Variants in ATP10B observed in about 807,000 individuals in gnomAD.
ATP10B encodes the protein phospholipid-transporting ATPase VB.
In ATP10B, 122 loss-of-function variants were observed where a neutral mutation model predicts 141.2. The ratio of observed to expected loss-of-function variants is 0.86; its 90% CI spans 0.75 to 1.00. The LOEUF (loss-of-function observed/expected upper bound fraction) is 1.00, where lower values mean the gene tolerates loss of function less well. Among genes scored for constraint, ATP10B ranks in the 50% least tolerant of loss-of-function variants. The pLI is 0.00. For synonymous variants in ATP10B, 685 were observed against 692.0 expected, an observed-to-expected ratio of 0.99 and a Z score of 0.16; for missense variants, 1,876 against 1,825.3, an observed-to-expected ratio of 1.03 and a Z score of -0.51.
intron 3 of ATP10B, among the ~76,000 whole-genome samples, chr5:160,690,906 C>T (rs990568022): frequency 1.6e-4 from 24 of 152,270 alleles, no homozygotes; most frequent in Non-Finnish European, 2.9e-4. Context: ...CACATGCACA[C>T]GTATCTTTAT....
At chr5:160,925,496 T>A in the ATP10B span, among the ~76,000 whole-genome samples, 7 of 152,358 alleles carry the variant, frequency 4.6e-5, no homozygotes, top group African/African-American at 1.7e-4. Context: ...TGCCAGCCAC[T>A]GTAAGCCATG....
At chr5:160,848,066 TG>T (rs1417916121) in intron 1 of ATP10B, among the ~76,000 whole-genome samples, 1 of 152,204 alleles carries the variant, frequency 6.6e-6, no homozygotes, top group African/African-American at 2.4e-5. Flanking sequence ...CATACTTATA[TG>T]CAGAATTTAC....
rs1766971855 is a variant in ATP10B at position 160,734,494 on chromosome 5, G to T, written c.-330-17460C>A. On this transcript the variant is annotated intron_variant, in intron 2 of 25. Coordinates refer to ENST00000327245, the MANE Select transcript of ATP10B (RefSeq NM_025153.3). ...ATATGATTGCAAAGCTTTATGTAAA[G>T]TGGTACATATAAACTCTAAGTAGAC... Among the ~76,000 whole-genome samples, 6 of 151,982 alleles carry T rather than the reference G, an allele frequency of 3.9e-5. No homozygotes were observed. In the South Asian group the frequency reaches 1.2e-3, roughly 31 times the overall value.
At chr5:160,746,396 CTTT>C (rs11365545) in intron 2 of ATP10B, among the ~76,000 whole-genome samples, 8 of 145,378 alleles carry the variant, frequency 5.5e-5, no homozygotes, top group Non-Finnish European at 9.1e-5. Flanking sequence ...TCTTTCTTTC[CTTT>C]TTTTTTTTTT....
At chr5:160,845,962 GTCTT>G (rs1206475447) in intron 1 of ATP10B, among the ~76,000 whole-genome samples, 1 of 151,964 alleles carries the variant, frequency 6.6e-6, no homozygotes, top group African/African-American at 2.4e-5. Context: ...TCCATCTGTG[GTCTT>G]TCTTTTAAAA....
Position 160,565,560 on chromosome 5 carries a change from G to A in ATP10B, c.4279C>T (p.Leu1427=), listed in dbSNP as rs777223510. 1.2e-6 allele frequency: 2 copies of A among 1,614,006 alleles called. No homozygotes were observed. Among genetic ancestry groups the A allele is most frequent in the Admixed American group, 1.7e-5 (1 of 59,996 alleles). Residue 1427 remains leucine, a synonymous_variant, in exon 26 of 26, where the codon CTG becomes TTG. Coordinates refer to ENST00000327245, the MANE Select transcript of ATP10B (RefSeq NM_025153.3). The part of the protein sequence containing the change: ...SSAQLSSGEH[L]LGPNRIMAYS... ...GCCATTATCCTGTTAGGTCCCAGCA[G>A]GTGCTCCCCGGATGAGAGTTGAGCT...
the ATP10B span, among the ~76,000 whole-genome samples, chr5:160,906,131 T>C: frequency 6.6e-6 from 1 of 152,128 alleles, no homozygotes; most frequent in African/African-American, 2.4e-5. Context: ...TGAGGGAAAA[T>C]AGAAAATAGC....
At chr5:160,635,746 T>A (rs1417615863) in intron 11 of ATP10B, among the ~76,000 whole-genome samples, 1 of 152,242 alleles carries the variant, frequency 6.6e-6, no homozygotes, top group Non-Finnish European at 1.5e-5. Flanking sequence ...CCAGTTCTGT[T>A]CTTTTCCTTC....
chr5:160,899,006 G>C, the ATP10B span, among the ~76,000 whole-genome samples: 1 of 136,398 alleles, frequency 7.3e-6, no homozygotes, highest in Non-Finnish European at 1.6e-5. Context: ...GGTGGGGGTG[G>C]TAGGGGAGGG....
the ATP10B span, among the ~76,000 whole-genome samples, chr5:160,873,581 G>A: frequency 0.11 from 17,408 of 152,254 alleles, 1,177 homozygotes; most frequent in East Asian, 0.18. Flanking sequence ...CAGCGTGAGC[G>A]ACACAGAAGA....
At chr5:160,655,939 A>C (rs1398849983) in intron 7 of ATP10B, among the ~76,000 whole-genome samples, 1 of 152,084 alleles carries the variant, frequency 6.6e-6, no homozygotes, top group Non-Finnish European at 1.5e-5. Flanking sequence ...GAGCGAAGGA[A>C]AGTGGGCCTG....
chr5:160,767,051 G>GAA (rs71285017), intron 2 of ATP10B, among the ~76,000 whole-genome samples: 8 of 144,600 alleles, frequency 5.5e-5, no homozygotes, highest in Admixed American at 1.4e-4. Context: ...GGCCACAATG[G>GAA]AAAAAAAAAA....
chr5:160,653,620 T>TAC (rs1478191397), intron 7 of ATP10B, among the ~76,000 whole-genome samples: 340 of 9,980 alleles, frequency 0.034, 21 homozygotes, highest in African/African-American at 0.072. Flanking sequence ...TATACATATA[T>TAC]ATTATATATA....
chr5:160,822,999 T>C (rs1295364120), intron 1 of ATP10B, among the ~76,000 whole-genome samples: 14 of 33,652 alleles, frequency 4.2e-4, no homozygotes, highest in Non-Finnish European at 6.4e-4. Flanking sequence ...CATATATATA[T>C]ACATATATAT....
the ATP10B span, among the ~76,000 whole-genome samples, chr5:160,918,018 T>TC: frequency 1.3e-5 from 2 of 152,206 alleles, no homozygotes; most frequent in South Asian, 4.1e-4. Context: ...CTGAGGAACA[T>TC]CCTCATAGGA....
At chr5:160,698,035 T>C (rs562622409) in intron 3 of ATP10B, among the ~76,000 whole-genome samples, 1 of 152,310 alleles carries the variant, frequency 6.6e-6, no homozygotes, top group South Asian at 2.1e-4. Context: ...TCACAAATTA[T>C]CTTGCAAGCT....
intron 1 of ATP10B, among the ~76,000 whole-genome samples, chr5:160,793,390 T>G (rs910637215): frequency 1.6e-4 from 25 of 152,218 alleles, no homozygotes; most frequent in African/African-American, 5.5e-4. Context: ...TAATGCAGCT[T>G]AAGCGTTAGT....
At chr5:160,879,764 GGAGGTGGA>G in the ATP10B span, among the ~76,000 whole-genome samples, 1 of 152,266 alleles carries the variant, frequency 6.6e-6, no homozygotes, top group African/African-American at 2.4e-5. Context: ...CGTGAACCCA[GGAGGTGGA>G]GCTTGTAGTG....
At chr5:160,717,055 TATTG>T in intron 2 of ATP10B, 21 bp from the exon 3 acceptor site, 1 of 985,178 alleles carries the variant, frequency 1.0e-6, no homozygotes, top group South Asian at 4.7e-5. Flanking sequence ...GAAAAGAAAA[TATTG>T]AGTAGGCAAC....
Sources: allele counts gnomAD v4.1 joint callset (sites outside exome capture counted in the v4.1 genomes callset), GRCh38; gene constraint gnomAD v4.1.1; transcripts MANE v1.5; gene names NCBI Gene and HGNC (gene_info 2026-07-23, HGNC 2026-07-21).